The following ABCB1 variants were observed in gnomAD, a reference collection of about 807,000 sequenced individuals.
The protein encoded by ABCB1 is ATP binding cassette subfamily B member 1, also known as ATP-dependent translocase ABCB1.
In ABCB1, 69 loss-of-function variants were observed where a neutral mutation model predicts 142.0. That is an observed-to-expected ratio of 0.49 (90% CI 0.40 to 0.59). The LOEUF (loss-of-function observed/expected upper bound fraction) is 0.59. ABCB1 is among the 20% of genes least tolerant of loss of function. ABCB1 has a pLI of 0.00. For missense variants in ABCB1, 1,326 were observed against 1,554.7 expected (o/e 0.85, Z 2.47); for synonymous variants, 532 against 539.2 (o/e 0.99, Z 0.18).
chr7:87,628,122 A>C (rs1398712419), intron 1 of ABCB1, among the ~76,000 whole-genome samples: 1 of 151,692 alleles, frequency 6.6e-6, no homozygotes, highest in East Asian at 1.9e-4. Flanking sequence ...GCTACAGGCA[A>C]GGGGGGGGCA....
intron 21 of ABCB1, 195 bp from the exon 22 acceptor site, chr7:87,521,071 T>G: frequency 1.8e-6 from 1 of 568,452 alleles, no homozygotes; most frequent in African/African-American, 1.9e-5. Context: ...GATTGACTAA[T>G]TCAAACTTCT....
intron 25 of ABCB1, among the ~76,000 whole-genome samples, chr7:87,510,318 T>C (rs1219804699): frequency 3.3e-5 from 5 of 152,186 alleles, no homozygotes; most frequent in African/African-American, 9.7e-5. Flanking sequence ...AGGGGATGGA[T>C]AGGTGAACAG....
intron 4 of ABCB1, among the ~76,000 whole-genome samples, chr7:87,578,392 A>G (rs1355995841): frequency 6.6e-6 from 1 of 152,052 alleles, no homozygotes; most frequent in Non-Finnish European, 1.5e-5. Flanking sequence ...AGCTTTGGCT[A>G]TTCTGTTTTT....
intron 1 of ABCB1, among the ~76,000 whole-genome samples, chr7:87,632,495 G>C (rs1297555868): frequency 6.6e-6 from 1 of 151,942 alleles, no homozygotes; most frequent in Non-Finnish European, 1.5e-5. Context: ...ACAGATTTTG[G>C]TGAAGAGATA....
At chr7:87,539,091 C>G (rs1287141897) in intron 19 of ABCB1, among the ~76,000 whole-genome samples, 177 bp downstream of exon 19, 2 of 152,184 alleles carry the variant, frequency 1.3e-5, no homozygotes, top group Non-Finnish European at 1.5e-5. Flanking sequence ...ACCTGACAGA[C>G]AGTAGAGCCT....
chr7:87,522,756 T>A (rs184300323), intron 21 of ABCB1, among the ~76,000 whole-genome samples: 2,428 of 151,432 alleles, frequency 0.016, 38 homozygotes, highest in African/African-American at 0.037. Context: ...TCCTTTTTTT[T>A]AAAAAAAAAG....
At chr7:87,534,917 TA>T (rs139364527) in intron 20 of ABCB1, among the ~76,000 whole-genome samples, 4,258 of 91,784 alleles carry the variant, frequency 0.046, 72 homozygotes, top group Non-Finnish European at 0.06. Context: ...CCTGTCTCTT[TA>T]AAAAAAAAAA....
At chr7:87,551,641 C>A (rs1205491532) in intron 9 of ABCB1, among the ~76,000 whole-genome samples, 2 of 149,120 alleles carry the variant, frequency 1.3e-5, no homozygotes, top group East Asian at 3.9e-4. Context: ...CAGACAAGTG[C>A]CACCATATCT....
At chr7:87,582,915 G>C (rs1312691251) in intron 4 of ABCB1, among the ~76,000 whole-genome samples, 3 of 151,998 alleles carry the variant, frequency 2.0e-5, no homozygotes, top group African/African-American at 7.3e-5. Flanking sequence ...CATAGTTGGA[G>C]GATACCTACC....
At chr7:87,567,899 C>T (rs140836868) in intron 5 of ABCB1, among the ~76,000 whole-genome samples, 83 of 151,980 alleles carry the variant, frequency 5.5e-4, no homozygotes, top group African/African-American at 1.9e-3. Context: ...TGGAGACCAC[C>T]CTGGCCAATA....
chr7:87,548,691 C>A (rs149823885), intron 14 of ABCB1, among the ~76,000 whole-genome samples: 1 of 152,188 alleles, frequency 6.6e-6, no homozygotes, highest in Non-Finnish European at 1.5e-5. Context: ...ACAGAATTAT[C>A]CCCGTTACTA....
chr7:87,590,437 A>G (rs1239898267), intron 3 of ABCB1, among the ~76,000 whole-genome samples: 1 of 152,234 alleles, frequency 6.6e-6, no homozygotes, highest in Non-Finnish European at 1.5e-5. Flanking sequence ...TCAGGAGAAA[A>G]GCCATACATG....
chr7:87,548,949 C>T (rs1584869957), intron 14 of ABCB1, among the ~76,000 whole-genome samples: 1 of 152,092 alleles, frequency 6.6e-6, no homozygotes, highest in South Asian at 2.1e-4. Flanking sequence ...ATATATGGAC[C>T]TTCAGGTTGT....
intron 23 of ABCB1, among the ~76,000 whole-genome samples, chr7:87,517,485 C>G (rs774973743): frequency 2.6e-5 from 4 of 152,132 alleles, no homozygotes; most frequent in Non-Finnish European, 5.9e-5. Flanking sequence ...ACACAATCCA[C>G]TACAGACACA....
chr7:87,569,529 G>A lies in ABCB1; in HGVS notation c.338+643C>T, dbSNP rs939058148. Reference sequence around the variant, plus strand: ...AGTGTGAGTTAAGAATAGAGAGACTGTATTTTTTCTGGGATGTTTTATTTT... The same window carrying A: ...AGTGTGAGTTAAGAATAGAGAGACTATATTTTTTCTGGGATGTTTTATTTT... On this transcript the variant is annotated intron_variant, in intron 5 of 27. Transcript: ENST00000622132. Among the ~76,000 whole-genome samples, 5 of 151,940 alleles carry A rather than the reference G, an allele frequency of 3.3e-5. No homozygotes were observed. In the South Asian group the frequency reaches 1.0e-3, roughly 32 times the overall value.
At chr7:87,659,351 T>C in intron 1 of ABCB1, 3 of 279,580 alleles carry the variant, frequency 1.1e-5, no homozygotes, top group South Asian at 6.8e-5. Flanking sequence ...AATTCCATTT[T>C]TATTTATATT....
chr7:87,660,279 T>A (rs1824554672), intron 1 of ABCB1, among the ~76,000 whole-genome samples: 1 of 152,090 alleles, frequency 6.6e-6, no homozygotes, highest in Non-Finnish European at 1.5e-5. Context: ...ACTAATTCAC[T>A]TTATGCTTTC....
Position 87,504,340 on chromosome 7 carries a change from C to T in ABCB1, c.3746G>A (p.Gly1249Asp), listed in dbSNP as rs201609930. The T allele has an allele frequency of 4.3e-6, 7 of 1,614,076 alleles. No homozygotes were observed. Among genetic ancestry groups the T allele is most frequent in the Non-Finnish European group, 5.9e-6 (7 of 1,179,994 alleles). Residue 1249 changes from glycine (G) to aspartate (D), a missense_variant, in exon 28 of 28, where the codon GGC becomes GAC. Coordinates refer to ENST00000622132, the MANE Select transcript of ABCB1 (RefSeq NM_001348946.2). Reference protein sequence around the residue: ...NADLIVVFQNGRVKEHGTHQQ... With the variant: ...NADLIVVFQNDRVKEHGTHQQ... ...ATGCGTGCCATGCTCCTTGACTCTG[C>T]CATTCTGAAACACCACTATTAAGTC...
intron 1 of ABCB1, chr7:87,700,278 T>A: frequency 1.6e-6 from 1 of 633,106 alleles, no homozygotes; most frequent in Non-Finnish European, 2.6e-6. Context: ...GATTTGAGGC[T>A]TTTTGACACC....
Sources: allele counts gnomAD v4.1 joint callset (sites outside exome capture counted in the v4.1 genomes callset), GRCh38; gene constraint gnomAD v4.1.1; transcripts MANE v1.5; gene names NCBI Gene and HGNC (gene_info 2026-07-23, HGNC 2026-07-21).